The following SLC39A10 variants were observed in gnomAD, a reference collection of about 807,000 sequenced individuals.
The protein encoded by SLC39A10 is zinc transporter ZIP10.
A neutral mutation model predicts 65.1 loss-of-function variants in SLC39A10; 13 were observed. The observed-to-expected ratio is 0.20, with a 90% CI of 0.13 to 0.32. SLC39A10 has a LOEUF of 0.32. SLC39A10 is among the 10% of genes least tolerant of loss of function. The pLI, the probability that SLC39A10 is intolerant of heterozygous loss-of-function variation, is 1.00. For synonymous variants in SLC39A10, 321 were observed against 342.2 expected (o/e 0.94, Z 0.68); for missense variants, 831 against 1,018.4 (o/e 0.82, Z 2.50).
chr2:195,617,819 A>C (rs1485680037), intron 2 of SLC39A10, among the ~76,000 whole-genome samples: 2 of 151,120 alleles, frequency 1.3e-5, no homozygotes, highest in Non-Finnish European at 2.9e-5. Flanking sequence ...GGCGGACTGC[A>C]AGCTCTGCCT....
At chr2:195,652,457 G>A (rs1439398717), upstream of SLC39A10, among the ~76,000 whole-genome samples, 1 of 151,434 alleles carries the variant, frequency 6.6e-6, no homozygotes, top group Non-Finnish European at 1.5e-5. Context: ...GCTGAGGCAG[G>A]AGAATCGCCT....
intron 2 of SLC39A10, among the ~76,000 whole-genome samples, chr2:195,647,466 C>A (rs1574218859): frequency 6.6e-6 from 1 of 151,468 alleles, no homozygotes; most frequent in Admixed American, 6.6e-5. Context: ...TTTCACTTCC[C>A]CAAACTGAAA....
rs745908274 is a variant in SLC39A10 at position 195,708,680 on chromosome 2, C to G, written c.1411C>G (p.His471Asp). ...PHSQGGHDHS[H>D]QHAHGHGHSH... ...GTCTCAGGGTGGACATGATCACAGTCACCAACATGCACATGGGCATGGACA... is the reference window on the plus strand; with the variant it reads ...GTCTCAGGGTGGACATGATCACAGTGACCAACATGCACATGGGCATGGACA... The change falls in exon 5 of 10, where the codon CAC becomes GAC. Residue 471 changes from histidine to aspartate, a missense_variant. Coordinates refer to ENST00000359634, the MANE Select transcript of SLC39A10 (RefSeq NM_020342.3). 5 of 1,605,920 alleles carry G rather than the reference C, an allele frequency of 3.1e-6. No individual in the cohort carries two copies. The African/African-American group carries it at 6.7e-5, about 21-fold the overall frequency.
chr2:195,659,880 C>T (rs1559019809), intron 1 of SLC39A10, among the ~76,000 whole-genome samples: 1 of 152,088 alleles, frequency 6.6e-6, no homozygotes, highest in Non-Finnish European at 1.5e-5. Flanking sequence ...TTGACTACCC[C>T]CAGAATGAGC....
chr2:195,666,166 A>C (rs1174351644), intron 1 of SLC39A10, among the ~76,000 whole-genome samples: 1 of 152,200 alleles, frequency 6.6e-6, no homozygotes, highest in Admixed American at 6.5e-5. Context: ...GTAGTTTTAA[A>C]AAATTAATTG....
intron 2 of SLC39A10, among the ~76,000 whole-genome samples, chr2:195,630,376 C>G (rs1253590915): frequency 6.6e-6 from 1 of 152,006 alleles, no homozygotes; most frequent in African/African-American, 2.4e-5. Context: ...TGCAGGGCTT[C>G]CATGCCCTCC....
At chr2:195,693,042 T>C (rs1340493104) in intron 3 of SLC39A10, among the ~76,000 whole-genome samples, 1 of 152,238 alleles carries the variant, frequency 6.6e-6, no homozygotes, top group Non-Finnish European at 1.5e-5. Context: ...AAAGGAATGC[T>C]GGATTTTGTC....
intron 3 of SLC39A10, among the ~76,000 whole-genome samples, chr2:195,695,280 G>A (rs905770391): frequency 2.0e-5 from 3 of 152,200 alleles, no homozygotes; most frequent in African/African-American, 7.2e-5. Flanking sequence ...TCCTGTGGCC[G>A]CTGTGGGGGA....
At chr2:195,669,807 T>C (rs1362734759) in intron 1 of SLC39A10, among the ~76,000 whole-genome samples, 4 of 152,072 alleles carry the variant, frequency 2.6e-5, no homozygotes, top group African/African-American at 4.8e-5. Context: ...GAGACCAGCA[T>C]GGGCAACATA....
At chr2:195,614,830 G>A (rs1688172789) in intron 2 of SLC39A10, among the ~76,000 whole-genome samples, 1 of 152,132 alleles carries the variant, frequency 6.6e-6, no homozygotes, top group African/African-American at 2.4e-5. Flanking sequence ...GAGGTGGCAG[G>A]ATCACTTGAG....
chr2:195,692,087 C>A (rs1291547907), intron 3 of SLC39A10, among the ~76,000 whole-genome samples: 1 of 152,186 alleles, frequency 6.6e-6, no homozygotes, highest in Non-Finnish European at 1.5e-5. Flanking sequence ...GTTATCCCAG[C>A]ACCATTTGTT....
intron 6 of SLC39A10, among the ~76,000 whole-genome samples, chr2:195,716,271 T>G (rs1010231319): frequency 2.0e-5 from 3 of 152,152 alleles, no homozygotes; most frequent in Admixed American, 2.0e-4. Context: ...AAAAAGGCTT[T>G]CTATCCAAAG....
At chr2:195,617,020 ATAGT>A (rs1462676588) in intron 2 of SLC39A10, among the ~76,000 whole-genome samples, 1 of 152,170 alleles carries the variant, frequency 6.6e-6, no homozygotes, top group African/African-American at 2.4e-5. Flanking sequence ...TTTGCTTTTG[ATAGT>A]TAAACTTACC....
intron 3 of SLC39A10, among the ~76,000 whole-genome samples, chr2:195,684,182 G>A (rs1161636150): frequency 1.3e-5 from 2 of 151,980 alleles, no homozygotes; most frequent in African/African-American, 4.8e-5. Context: ...GTGATAAGTT[G>A]ATTATTTTTG....
intron 2 of SLC39A10, among the ~76,000 whole-genome samples, chr2:195,649,667 C>T (rs1341012440): frequency 9.2e-5 from 14 of 152,176 alleles, no homozygotes; most frequent in Non-Finnish European, 1.9e-4. Context: ...AGTGTAATCA[C>T]CCACAAATAC....
At chr2:195,624,662 G>A (rs1688425200) in intron 2 of SLC39A10, among the ~76,000 whole-genome samples, 1 of 148,020 alleles carries the variant, frequency 6.8e-6, no homozygotes, top group Admixed American at 6.8e-5. Flanking sequence ...ATCACCTGAG[G>A]TCAGGAGTTT....
chr2:195,718,364 C>A (rs1314624158), intron 8 of SLC39A10, 32 bp downstream of exon 8: 17 of 1,510,944 alleles, frequency 1.1e-5, no homozygotes, highest in East Asian at 2.3e-5. Flanking sequence ...TACCAGATTT[C>A]ATCAAATCTA....
intron 1 of SLC39A10, among the ~76,000 whole-genome samples, chr2:195,677,262 T>G (rs183425452): frequency 1.3e-3 from 197 of 152,280 alleles, no homozygotes; most frequent in Middle Eastern, 0.01. Flanking sequence ...TTTCAAAAAG[T>G]AATCATGGCC....
At chr2:195,657,670 C>T in intron 1 of SLC39A10, 2 of 975,816 alleles carry the variant, frequency 2.0e-6, no homozygotes, top group African/African-American at 1.8e-5. Flanking sequence ...CGGGTGGCGG[C>T]GGTTAGGGGG....
Sources: allele counts gnomAD v4.1 joint callset (sites outside exome capture counted in the v4.1 genomes callset), GRCh38; gene constraint gnomAD v4.1.1; transcripts MANE v1.5; gene names NCBI Gene and HGNC (gene_info 2026-07-23, HGNC 2026-07-21).